ZNF844: variants seen among roughly 807,000 people sequenced by gnomAD.
ZNF844 encodes zinc finger protein 844.
ZNF844 carries 11 observed loss-of-function variants against 11.4 expected under a neutral mutation model. The ratio of observed to expected loss-of-function variants is 0.97; its 90% confidence interval spans 0.61 to 1.60. ZNF844 has a LOEUF of 1.60. Among genes scored for constraint, ZNF844 ranks in the 40% most tolerant of loss-of-function variants. The pLI is 0.00. For synonymous variants in ZNF844, 248 were observed against 260.3 expected (o/e 0.95, Z 0.46); for missense variants, 790 against 796.8 (o/e 0.99, Z 0.10).
chr19:12,075,418 G>T lies in ZNF844; in HGVS notation c.298G>T (p.Val100Leu). The T allele has an allele frequency of 6.2e-7, 1 of 1,608,040 alleles. No homozygotes were observed. Among genetic ancestry groups the T allele is most frequent in the Admixed American group, 1.7e-5 (1 of 58,466 alleles). ...ACTGAACAAAAAAACTTCTCCTGGA[G>T]TAAAATCATGTGAAAGCAGTGTGTG... ...DTLNKKTSPG[V>L]KSCESSVCGE... The change falls in exon 4 of 4, where the codon GTA (valine) becomes TTA (leucine). Residue 100 changes from valine (V) to leucine (L), a missense_variant. Physicochemically the swap from Val to Leu is conservative, Grantham distance 32. Transcript: ENST00000439326.
At chr19:12,069,845 C>T (rs1436496001) in intron 1 of ZNF844, among the ~76,000 whole-genome samples, 6 of 151,178 alleles carry the variant, frequency 4.0e-5, no homozygotes, top group African/African-American at 1.5e-4. Flanking sequence ...GTCCCAGCTA[C>T]TCAGGAGGCT....
chr19:12,072,696 G>A (rs1975764528), intron 1 of ZNF844, among the ~76,000 whole-genome samples: 1 of 151,848 alleles, frequency 6.6e-6, no homozygotes, highest in South Asian at 2.1e-4. Context: ...CAATTCTCTG[G>A]CCCCAGCCTC....
rs1975815607 is a variant in ZNF844 at position 12,076,277 on chromosome 19, C to A, written c.1157C>A (p.Thr386Lys). 3.7e-6 allele frequency: 6 copies of A among 1,613,476 alleles called. No homozygotes were observed. In the East Asian group the frequency reaches 1.1e-4, roughly 30 times the overall value. The change falls in exon 4 of 4, where the codon ACA becomes AAA. Residue 386 changes from threonine (T) to lysine (K), a missense_variant. Transcript: ENST00000439326. ...CGTTTTGAAGACATGAAAGAACTCA[C>A]ACTGGAGAGAAACCTTATGAATGCA... ...PVRFEDMKEL[T>K]LERNLMNAST... is the part of the protein sequence containing the mutation.
chr19:12,077,010 A>G lies in ZNF844; in HGVS notation c.1890A>G (p.Val630=). 6.3e-7 allele frequency: 1 copy of G among 1,596,294 alleles called. No homozygotes were observed. Residue 630 remains valine, a synonymous_variant, in exon 4 of 4, where the codon GTA becomes GTG. Coordinates refer to ENST00000439326, the MANE Select transcript of ZNF844 (RefSeq NM_001136501.3). ...EKRSIIFLLC[V]YTKGCTLERN... Reference sequence around the variant, plus strand: ...GTTCAATTATTTTTCTTCTTTGCGTATACACAAAAGGATGCACACTGGAGA... The same window carrying G: ...GTTCAATTATTTTTCTTCTTTGCGTGTACACAAAAGGATGCACACTGGAGA...
rs183866930 is a variant in ZNF844, at chr19:12,080,985, C to T, written c.*3864C>T. 6.6e-6 allele frequency: 1 copy of T among 152,346 alleles called. No homozygotes were observed. The highest frequency in any genetic ancestry group is 2.4e-5 in the African/African-American group (1 of 41,540). The allele number at this position is 152,346 out of a possible 1,614,324, so 9.4% of individuals were successfully genotyped here. A position where few individuals can be genotyped will look rare whatever the true frequency, so the allele number is the denominator to read the frequency against. ...GAGCAAGCTGGTCTTAAACTCCTGA[C>T]CTCAAGTGATCCGTCTGTCTTGGCC... On this transcript the variant is annotated 3_prime_UTR_variant, in exon 4 of 4. Transcript: ENST00000439326.
rs1211861035 is a variant in ZNF844 at position 12,080,141 on chromosome 19, G to A, written c.*3020G>A. On this transcript the variant is annotated 3_prime_UTR_variant, in exon 4 of 4. Coordinates refer to ENST00000439326, the MANE Select transcript of ZNF844 (RefSeq NM_001136501.3). ...AGGTGGGCGGATCACGAGGTCAGGA[G>A]ATCAAGACCATCCTGGCTGACACGG... The A allele has an allele frequency of 5.5e-6, 1 of 180,228 alleles. No homozygotes were observed. The highest frequency in any genetic ancestry group is 1.2e-5 in the Non-Finnish European group (1 of 85,666). The allele number at this position is 180,228 out of a possible 1,614,324, so 11.2% of individuals were successfully genotyped here.
Position 12,074,422 on chromosome 19 carries a change from G to A in ZNF844, c.191+1G>A, listed in dbSNP as rs1387031066. ...ACAAAAATCCCAGGAATAATCTAAG[G>A]TGATTTAAACTCACGAGACAAAGCA... On this transcript the variant is annotated splice_donor_variant, in intron 3 of 3. Coordinates refer to ENST00000439326, the MANE Select transcript of ZNF844 (RefSeq NM_001136501.3). LOFTEE classifies it high-confidence loss of function. 2 of 1,534,260 alleles carry A rather than the reference G, an allele frequency of 1.3e-6. No homozygotes were observed. The highest frequency in any genetic ancestry group is 1.4e-5 in the African/African-American group (1 of 72,148).
chr19:12,076,022 G>A lies in ZNF844; in HGVS notation c.902G>A (p.Arg301Lys). 6.4e-7 allele frequency: 1 copy of A among 1,571,534 alleles called. No individual in the cohort carries two copies. The highest frequency in any genetic ancestry group is 8.6e-7 in the Non-Finnish European group (1 of 1,157,886). Residue 301 changes from arginine (R) to lysine (K), a missense_variant, in exon 4 of 4, where the codon AGA becomes AAA. Arg to Lys is a conservative substitution (Grantham distance 26, BLOSUM62 2). Around this residue, in one of 3 missense-constraint regions of ZNF844, gnomAD observed 657 missense variants for 636.2 expected, o/e 1.03. Coordinates refer to ENST00000439326, the MANE Select transcript of ZNF844 (RefSeq NM_001136501.3). ...RWFHSFQIHE[R>K]THSEEKAYEC... ...TTCCATTCCTTTCAAATACATGAAA[G>A]AACTCACAGTGAGGAGAAGGCTTAT... is the stretch of plus-strand genomic sequence containing the variant.
chr19:12,066,462 T>G (rs1277056863), intron 1 of ZNF844, among the ~76,000 whole-genome samples: 3 of 151,670 alleles, frequency 2.0e-5, no homozygotes, highest in Non-Finnish European at 4.4e-5. Context: ...TCATGGTTTT[T>G]CATTAGCTTT....
At chr19:12,065,934 T>TA (rs1975682644) in intron 1 of ZNF844, among the ~76,000 whole-genome samples, 1 of 151,862 alleles carries the variant, frequency 6.6e-6, no homozygotes, top group Non-Finnish European at 1.5e-5. Flanking sequence ...CTGGCCCGGC[T>TA]AAAAATTGTT....
In ZNF844 at chr19:12,079,777, G is replaced by A. The variant is rs188807044; in HGVS notation, c.*2656G>A. ...CTGGCTAACATGGCAAAACCCCATC[G>A]CTACTAAAAATACAAAAAATTAGAT... On this transcript the variant is annotated 3_prime_UTR_variant, in exon 4 of 4. Transcript: ENST00000439326. The A allele has an allele frequency of 6.0e-5, 9 of 150,632 alleles. No homozygotes were observed. Among genetic ancestry groups the A allele is most frequent in the Admixed American group, 5.3e-4 (8 of 15,042 alleles). 9.3% of individuals were successfully genotyped at this position (150,632 alleles called of 1,614,324 possible). A position where few individuals can be genotyped will look rare whatever the true frequency, so the allele number is the denominator to read the frequency against.
rs1568361442 is a variant in ZNF844 at position 12,076,810 on chromosome 19, G to T, written c.1690G>T (p.Glu564Ter). 6.4e-6 allele frequency: 10 copies of T among 1,561,616 alleles called. No homozygotes were observed. The highest frequency in any genetic ancestry group is 8.7e-6 in the Non-Finnish European group (10 of 1,152,394). ...GGAGAGAAACCCTATAAGGAATATG[G>T]AAAAGCATTCAACAATTTCTCTTCC... ...TLERNPIRNM[E>*]KHSTISLPFK... is the part of the protein sequence containing the mutation. Residue 564 changes from glutamate (E) to a stop codon, truncating the protein, a stop_gained, in exon 4 of 4, where the codon GAA becomes TAA. Transcript: ENST00000439326. LOFTEE classifies it low-confidence loss of function (END_TRUNC).
Position 12,076,620 on chromosome 19 carries a change from G to A in ZNF844, c.1500G>A (p.Glu500=), listed in dbSNP as rs1975825345. 1.2e-6 allele frequency: 2 copies of A among 1,613,998 alleles called. No individual in the cohort carries two copies. The highest frequency in any genetic ancestry group is 1.7e-6 in the Non-Finnish European group (2 of 1,179,976). Residue 500 remains glutamate, a synonymous_variant, in exon 4 of 4, where the codon GAG becomes GAA. Coordinates refer to ENST00000439326, the MANE Select transcript of ZNF844 (RefSeq NM_001136501.3). The stretch of plus-strand genomic sequence containing the variant: ...ATATCATGAAAGGACTCACACTGGA[G>A]AGAAACCCTATGAGTGTAAGCAATG... ...PFDIMKGLTL[E]RNPMSVSNVG...
chr19:12,077,396 T>C lies in ZNF844; in HGVS notation c.*275T>C. The stretch of plus-strand genomic sequence containing the variant: ...AGAAACAGTATGAGTGTAAGCAGTG[T>C]GGTAAAGCCTTCATGTCTTCTACTG... On this transcript the variant is annotated 3_prime_UTR_variant, in exon 4 of 4. Transcript: ENST00000439326. 1 of 726,378 alleles carries C rather than the reference T, an allele frequency of 1.4e-6. No individual in the cohort carries two copies. The allele number at this position is 726,378 out of a possible 1,614,324, so 45.0% of individuals were successfully genotyped here.
At position 12,079,049 on chromosome 19, in the gene ZNF844, T is replaced by G. The variant is rs932861427; in HGVS notation, c.*1928T>G. The stretch of plus-strand genomic sequence containing the variant: ...ATTTTTAGTAGAGACGGGGCTTCAC[T>G]ATGTTGGCCAGGTTCGTCTCGAACT... On this transcript the variant is annotated 3_prime_UTR_variant, in exon 4 of 4. Coordinates refer to ENST00000439326, the MANE Select transcript of ZNF844 (RefSeq NM_001136501.3). 6.6e-6 allele frequency: 1 copy of G among 151,848 alleles called. No individual in the cohort carries two copies. Among genetic ancestry groups the G allele is most frequent in the Non-Finnish European group, 1.5e-5 (1 of 67,978 alleles). The allele number at this position is 151,848 out of a possible 1,614,324, so 9.4% of individuals were successfully genotyped here.
rs1258862119 is a variant in ZNF844 at position 12,064,846 on chromosome 19, G to A, written c.-28G>A. The A allele has an allele frequency of 5.2e-6, 8 of 1,549,410 alleles. No individual in the cohort carries two copies. The South Asian group carries it at 7.1e-5, about 14-fold the overall frequency. On this transcript the variant is annotated 5_prime_UTR_variant, in exon 1 of 4. Coordinates refer to ENST00000439326, the MANE Select transcript of ZNF844 (RefSeq NM_001136501.3). ...TGTCGTCTGTGTTGTGACTGCTTTG[G>A]ACGTGGGAGTCACCTGAAAGCCAGG...
intron 1 of ZNF844, chr19:12,070,082 A>T (rs1469611723): frequency 1.4e-5 from 2 of 145,972 alleles, no homozygotes; most frequent in African/African-American, 2.5e-5. Flanking sequence ...ATATAATGAG[A>T]CCCCGTTCTC....
chr19:12,076,004 C>A lies in ZNF844; in HGVS notation c.884C>A (p.Ser295Tyr). 1 of 1,578,118 alleles carries A rather than the reference C, an allele frequency of 6.3e-7. No individual in the cohort carries two copies. The highest frequency in any genetic ancestry group is 8.6e-7 in the Non-Finnish European group (1 of 1,161,464). Residue 295 changes from serine (S) to tyrosine (Y), a missense_variant, in exon 4 of 4, where the codon TCC becomes TAC. Transcript: ENST00000439326. ...QCGKAFRWFH[S>Y]FQIHERTHSE... ...GGAAAAGCCTTCAGATGGTTCCATT[C>A]CTTTCAAATACATGAAAGAACTCAC...
chr19:12,075,645 A>G lies in ZNF844; in HGVS notation c.525A>G (p.Gly175=). The G allele has an allele frequency of 4.3e-6, 7 of 1,612,128 alleles. No homozygotes were observed. The highest frequency in any genetic ancestry group is 5.9e-6 in the Non-Finnish European group (7 of 1,179,412). Residue 175 remains glycine (G), a synonymous_variant, in exon 4 of 4, where the codon GGA becomes GGG. Coordinates refer to ENST00000439326, the MANE Select transcript of ZNF844 (RefSeq NM_001136501.3). ...GEKLYDCKEC[G]KTFISHSSIQ... is the part of the protein sequence containing the mutation. ...AACTCTATGATTGTAAAGAATGTGG[A>G]AAAACCTTCATATCCCATTCAAGCA... is the stretch of plus-strand genomic sequence containing the variant.
Sources: gnomAD v4.1 joint callset for allele counts (sites outside exome capture counted in the v4.1 genomes callset) on GRCh38, gnomAD v4.1.1 for gene constraint, gnomAD v4.1.1 regional missense constraint, MANE v1.5 for transcripts, NCBI Gene and HGNC (gene_info 2026-07-23, HGNC 2026-07-21) for gene names.